PPEF1: variants seen among roughly 807,000 people sequenced by gnomAD.
PPEF1 encodes the protein protein phosphatase with EF-hand domain 1.
PPEF1 carries 12 observed loss-of-function variants against 53.3 expected under a neutral mutation model. The observed-to-expected ratio is 0.23, with a 90% CI of 0.14 to 0.36. PPEF1 has a LOEUF of 0.36. Among genes scored for constraint, PPEF1 ranks in the 10% least tolerant of loss-of-function variants. The pLI, the probability that PPEF1 is intolerant of heterozygous loss-of-function variation, is 1.00. For missense variants in PPEF1, 334 were observed against 490.4 expected (o/e 0.68, Z 3.01); for synonymous variants, 165 against 176.7 (o/e 0.93, Z 0.52).
chrX:18,707,934 G>GCAAA, intron 1 of PPEF1, 108 bp downstream of exon 1: 1 of 717,689 alleles, frequency 1.4e-6, no homozygotes. Context: ...GCTGCCCTGT[G>GCAAA]TGATTTGCAC....
chrX:18,819,238 G>T (rs1389478752), intron 13 of PPEF1, among the ~76,000 whole-genome samples: 2 of 112,044 alleles, frequency 1.8e-5, no homozygotes, highest in Admixed American at 1.9e-4. Flanking sequence ...AAATAAATAT[G>T]TTCAAAGGAA....
chrX:18,686,772 A>G (rs1761811186), intron 3 of PPEF1, among the ~76,000 whole-genome samples: 1 of 111,930 alleles, frequency 8.9e-6, no homozygotes, highest in Non-Finnish European at 1.9e-5. Flanking sequence ...TTTATTGAAT[A>G]CTATGAGCCA....
At chrX:18,807,875 GT>G (rs1322101513) in intron 12 of PPEF1, among the ~76,000 whole-genome samples, 1 of 109,955 alleles carries the variant, frequency 9.1e-6, no homozygotes, top group Admixed American at 9.8e-5. Flanking sequence ...GGCCAAGCTG[GT>G]ATTGAACTCC....
chrX:18,739,443 A>C (rs2045087047), intron 3 of PPEF1, among the ~76,000 whole-genome samples: 2 of 112,168 alleles, frequency 1.8e-5, no homozygotes, highest in South Asian at 7.4e-4. Flanking sequence ...GAGGCTTCAG[A>C]ACAGCAAATA....
At chrX:18,707,874 G>T in intron 1 of PPEF1, 48 bp downstream of exon 1, 1 of 1,102,472 alleles carries the variant, frequency 9.1e-7, no homozygotes, top group South Asian at 1.9e-5. Context: ...AGGGGAAAAT[G>T]AGCTGCCCTC....
chrX:18,796,412 T>C (rs954877653), intron 10 of PPEF1, among the ~76,000 whole-genome samples: 2 of 112,755 alleles, frequency 1.8e-5, no homozygotes, highest in African/African-American at 6.4e-5. Context: ...TTCCTGTAGA[T>C]AGAATCATAA....
chrX:18,675,083 C>T (rs1292472590), upstream of PPEF1, among the ~76,000 whole-genome samples: 1 of 112,923 alleles, frequency 8.9e-6, no homozygotes, highest in African/African-American at 3.2e-5. Flanking sequence ...GCCCCCGAGG[C>T]GAGGAGTTTG....
intron 3 of PPEF1, among the ~76,000 whole-genome samples, chrX:18,744,145 C>A: frequency 8.9e-6 from 1 of 111,821 alleles, no homozygotes; most frequent in African/African-American, 3.2e-5. Flanking sequence ...CCCGCCTCGG[C>A]CTCCCAAAGT....
At chrX:18,731,056 G>T (rs2044826788) in intron 2 of PPEF1, among the ~76,000 whole-genome samples, 1 of 112,418 alleles carries the variant, frequency 8.9e-6, no homozygotes, top group African/African-American at 3.2e-5. Flanking sequence ...TAGTTTTAAT[G>T]CTTATTAATT....
intron 5 of PPEF1, among the ~76,000 whole-genome samples, chrX:18,760,167 A>G (rs987350984): frequency 1.8e-5 from 2 of 110,764 alleles, no homozygotes; most frequent in African/African-American, 3.3e-5. Flanking sequence ...TTGTATTTTT[A>G]GTAGAGACAG....
chrX:18,719,794 A>G (rs1468964115), intron 1 of PPEF1, among the ~76,000 whole-genome samples: 1 of 111,972 alleles, frequency 8.9e-6, no homozygotes, highest in Non-Finnish European at 1.9e-5. Context: ...GAGTTCAAAA[A>G]TCACTGTTTT....
At chrX:18,760,184 A>G (rs2045630172) in intron 5 of PPEF1, among the ~76,000 whole-genome samples, 1 of 110,874 alleles carries the variant, frequency 9.0e-6, no homozygotes, top group Admixed American at 9.6e-5. Context: ...ACAGGGTCTT[A>G]CCATGTTGGC....
intron 6 of PPEF1, among the ~76,000 whole-genome samples, chrX:18,763,289 G>A (rs2045704425): frequency 9.0e-6 from 1 of 111,205 alleles, no homozygotes; most frequent in African/African-American, 3.3e-5. Flanking sequence ...GTGGAGGCCT[G>A]GGGAGTTTCT....
chrX:18,730,898 A>C (rs755833569), intron 2 of PPEF1, among the ~76,000 whole-genome samples: 1 of 111,101 alleles, frequency 9.0e-6, no homozygotes, highest in Non-Finnish European at 1.9e-5. Flanking sequence ...AATTTTTAGT[A>C]GAGACAGGGT....
At chrX:18,821,758 C>CGAGAGAGAGAGAGAGAGAGAGA (rs754652406) in intron 13 of PPEF1, among the ~76,000 whole-genome samples, 9 of 28,664 alleles carry the variant, frequency 3.1e-4, no homozygotes, top group Admixed American at 2.4e-3. Flanking sequence ...GAAACCATGG[C>CGAGAGAGAGAGAGAGAGAGAGA]GAGAGAGAGA....
At chrX:18,772,155 A>G (rs950509918) in intron 6 of PPEF1, among the ~76,000 whole-genome samples, 5 of 111,429 alleles carry the variant, frequency 4.5e-5, no homozygotes, top group African/African-American at 1.6e-4. Flanking sequence ...TCTCTCAAAT[A>G]TATATATTAA....
chrX:18,823,706 C>T (rs1261821649), intron 13 of PPEF1, among the ~76,000 whole-genome samples: 1 of 110,394 alleles, frequency 9.1e-6, no homozygotes, highest in East Asian at 2.8e-4. Context: ...AAATCTAACA[C>T]GTGAAGTCTG....
intron 3 of PPEF1, among the ~76,000 whole-genome samples, chrX:18,738,413 G>A (rs762533774): frequency 9.0e-6 from 1 of 111,631 alleles, no homozygotes; most frequent in South Asian, 3.7e-4. Context: ...TGAAATTCTG[G>A]GTTGAAAATT....
intron 7 of PPEF1, among the ~76,000 whole-genome samples, chrX:18,779,675 A>G (rs184373438): frequency 3.3e-4 from 37 of 112,730 alleles, no homozygotes; most frequent in African/African-American, 1.2e-3. Context: ...CATTTCAACT[A>G]TCTAACTCAC....
Sources: allele counts gnomAD v4.1 joint callset (sites outside exome capture counted in the v4.1 genomes callset), GRCh38; gene constraint gnomAD v4.1.1; transcripts MANE v1.5; gene names NCBI Gene and HGNC (gene_info 2026-07-23, HGNC 2026-07-21).